CYLD: variants seen among roughly 807,000 people sequenced by gnomAD.
CYLD encodes the protein CYLD lysine 63 deubiquitinase, also known as ubiquitin carboxyl-terminal hydrolase CYLD.
CYLD carries 26 observed loss-of-function variants against 104.5 expected under a neutral mutation model. The ratio of observed to expected loss-of-function variants is 0.25; its 90% CI spans 0.18 to 0.35. The LOEUF (loss-of-function observed/expected upper bound fraction) is 0.35. CYLD is among the 10% of genes least tolerant of loss of function. The probability of loss-of-function intolerance (pLI) is 1.00; values close to 1 mark genes in which losing one functional copy is unlikely to be tolerated. For missense variants in CYLD, 703 were observed against 1,136.1 expected (o/e 0.62, Z 5.48); for synonymous variants, 385 against 399.9 (o/e 0.96, Z 0.45).
Position 50,784,347 on chromosome 16 carries a change from T to C in CYLD, c.1845T>C (p.Ser615=). Reference sequence around the variant, plus strand: ...TTTGCAGCTTATTTGCTTTTAGTTCTGTTCTGGACACTGTGTTACTTAGAC... The same window carrying C: ...TTTGCAGCTTATTTGCTTTTAGTTCCGTTCTGGACACTGTGTTACTTAGAC... ...STLFCLFAFS[S]VLDTVLLRPK... is the part of the protein sequence containing the mutation. The change falls in exon 12 of 19, where the codon TCT becomes TCC. Residue 615 remains serine (S), a synonymous_variant. Coordinates refer to ENST00000427738, the MANE Select transcript of CYLD (RefSeq NM_001378743.1). 1 of 1,613,658 alleles carries C rather than the reference T, an allele frequency of 6.2e-7. No homozygotes were observed. The highest frequency in any genetic ancestry group is 8.5e-7 in the Non-Finnish European group (1 of 1,179,742).
In CYLD at chr16:50,799,899, T is replaced by C; in HGVS notation, c.*3391T>C. 1 of 233,078 alleles carries C rather than the reference T, an allele frequency of 4.3e-6. No homozygotes were observed. The highest frequency in any genetic ancestry group is 8.5e-6 in the Non-Finnish European group (1 of 117,954). The allele number at this position is 233,078 out of a possible 1,614,324, so 14.4% of individuals were successfully genotyped here. A position where few individuals can be genotyped will look rare whatever the true frequency, so the allele number is the denominator to read the frequency against. On this transcript the variant is annotated 3_prime_UTR_variant, in exon 19 of 19. Transcript: ENST00000427738. Reference sequence around the variant, plus strand: ...AACCAAGAAGTATTTATCGGACACTTACTAGGTGCCTAGGATTGTATCAGA... The same window carrying C: ...AACCAAGAAGTATTTATCGGACACTCACTAGGTGCCTAGGATTGTATCAGA...
chr16:50,744,786 T>G (rs930192044), intron 2 of CYLD: 1 of 152,398 alleles, frequency 6.6e-6, no homozygotes, highest in Non-Finnish European at 1.5e-5. Context: ...CTGATCATCT[T>G]TCCATTGTCT....
rs943142707 is a variant in CYLD at position 50,776,559 on chromosome 16, A to G, written c.1021+282A>G. Among the ~76,000 whole-genome samples, 5 of 152,308 alleles carry G rather than the reference A, an allele frequency of 3.3e-5. No individual in the cohort carries two copies. The South Asian group carries it at 6.2e-4, about 19-fold the overall frequency. ...CTCCTTACTTGGAATATTTGTATGTATAGTTTAGGATTGCAACTGTGTAAA... is the reference window on the plus strand; with the variant it reads ...CTCCTTACTTGGAATATTTGTATGTGTAGTTTAGGATTGCAACTGTGTAAA... On this transcript the variant is annotated intron_variant, in intron 7 of 18. Transcript: ENST00000427738.
chr16:50,800,024 C>T lies in CYLD; in HGVS notation c.*3516C>T, dbSNP rs1393390130. The T allele has an allele frequency of 4.3e-6, 1 of 233,130 alleles. No homozygotes were observed. The highest frequency in any genetic ancestry group is 2.2e-5 in the African/African-American group (1 of 45,398). 14.4% of individuals were successfully genotyped at this position (233,130 alleles called of 1,614,324 possible). On this transcript the variant is annotated 3_prime_UTR_variant, in exon 19 of 19. Transcript: ENST00000427738. ...GTAAGGGTGACAGGTCTAGGGGAAG[C>T]TTTGGGAGGTGGTGTGCTGTGACAG... is the stretch of plus-strand genomic sequence containing the variant.
chr16:50,779,856 T>A lies in CYLD; in HGVS notation c.1330T>A (p.Ser444Thr). 6.2e-7 allele frequency: 1 copy of A among 1,613,700 alleles called. No homozygotes were observed. The highest frequency in any genetic ancestry group is 8.5e-7 in the Non-Finnish European group (1 of 1,179,970). Residue 444 changes from serine to threonine, a missense_variant, in exon 9 of 19, where the codon TCT becomes ACT. This residue lies in a region of CYLD where 183 missense variants were observed against 212.1 expected (regional missense o/e 0.86). Coordinates refer to ENST00000427738, the MANE Select transcript of CYLD (RefSeq NM_001378743.1). ...GHSPLSLSAQ[S>T]VMEELNTAPV... ...CAGTCCACTTTCTCTGTCAGCCCAG[T>A]CTGTAATGGAAGAGCTAAACACTGC...
chr16:50,770,348 G>C (rs1969008635), intron 5 of CYLD, among the ~76,000 whole-genome samples: 1 of 151,866 alleles, frequency 6.6e-6, no homozygotes, highest in Non-Finnish European at 1.5e-5. Context: ...GAGATTTGTA[G>C]TTGTATTTCA....
intron 16 of CYLD, 77 bp downstream of exon 16, chr16:50,792,782 G>A (rs1971555093): frequency 1.3e-6 from 1 of 771,450 alleles, no homozygotes; most frequent in African/African-American, 1.7e-5. Flanking sequence ...TTGTGGGTTA[G>A]ACTCTAACTG....
chr16:50,779,279 T>C (rs953563503), intron 8 of CYLD, among the ~76,000 whole-genome samples: 1 of 152,210 alleles, frequency 6.6e-6, no homozygotes, highest in African/African-American at 2.4e-5. Flanking sequence ...TTTTTCTCTC[T>C]TTTTTCTTTA....
At chr16:50,764,851 A>C (rs1968323982) in intron 5 of CYLD, among the ~76,000 whole-genome samples, 1 of 152,194 alleles carries the variant, frequency 6.6e-6, no homozygotes. Context: ...ACAACACAGA[A>C]TTATCTGGTT....
intron 5 of CYLD, among the ~76,000 whole-genome samples, chr16:50,764,428 A>G (rs1968272852): frequency 6.6e-6 from 1 of 152,110 alleles, no homozygotes; most frequent in African/African-American, 2.4e-5. Flanking sequence ...AGCTTTGGGC[A>G]TAATGTTGTT....
In CYLD at chr16:50,744,222, C is replaced by T. The variant is rs1177315621; in HGVS notation, c.-124+1381C>T. Among the ~76,000 whole-genome samples the T allele has an allele frequency of 3.3e-5, 5 of 151,658 alleles. No individual in the cohort carries two copies. The East Asian group carries it at 9.7e-4, about 29-fold the overall frequency. On this transcript the variant is annotated intron_variant, in intron 2 of 18. Transcript: ENST00000427738. ...TTTTTTTTTAACCTTATAAATCCCA[C>T]TTGTATTAGGGACTGTGTACTTGTG... is the stretch of plus-strand genomic sequence containing the variant.
At chr16:50,781,154 G>C in intron 9 of CYLD, 92 bp from the exon 10 acceptor site, 1 of 1,383,280 alleles carries the variant, frequency 7.2e-7, no homozygotes, top group East Asian at 2.3e-5. Flanking sequence ...GTGAGAAAGG[G>C]TATACTAGAA....
chr16:50,798,826 G>C lies in CYLD; in HGVS notation c.*2318G>C, dbSNP rs1369772366. 1 of 233,478 alleles carries C rather than the reference G, an allele frequency of 4.3e-6. No individual in the cohort carries two copies. The highest frequency in any genetic ancestry group is 8.5e-6 in the Non-Finnish European group (1 of 118,074). 14.5% of individuals were successfully genotyped at this position (233,478 alleles called of 1,614,324 possible). A position where few individuals can be genotyped will look rare whatever the true frequency, so the allele number is the denominator to read the frequency against. On this transcript the variant is annotated 3_prime_UTR_variant, in exon 19 of 19. Coordinates refer to ENST00000427738, the MANE Select transcript of CYLD (RefSeq NM_001378743.1). ...ATGATTTCTGGCAACGTCTTCTTCA[G>C]GTGGAGCTTGACGTCTTTTTAATGT...
intron 5 of CYLD, among the ~76,000 whole-genome samples, chr16:50,766,208 G>T (rs1407201541): frequency 6.6e-6 from 1 of 152,130 alleles, no homozygotes; most frequent in East Asian, 1.9e-4. Flanking sequence ...GTTGAAGCCA[G>T]GATTCTGAAA....
rs376729073 is a variant in CYLD at position 50,754,457 on chromosome 16, C to T, written c.913+33C>T. The stretch of plus-strand genomic sequence containing the variant: ...TTCTTTGTTTTATACATTTATAAGG[C>T]AAACTTTATTTTTTAATTTTTTATT... On this transcript the variant is annotated intron_variant, in intron 5 of 18. Transcript: ENST00000427738. The T allele has an allele frequency of 6.4e-6, 9 of 1,410,822 alleles. No homozygotes were observed. In the African/African-American group the frequency reaches 1.3e-4, roughly 20 times the overall value. The allele number at this position is 1,410,822 out of a possible 1,614,324, so 87.4% of individuals were successfully genotyped here.
rs760796541 is a variant in CYLD, at chr16:50,760,839, T to A, written c.913+6415T>A. 1.2e-4 allele frequency among the ~76,000 whole-genome samples: 18 copies of A among 152,132 alleles called. 1 individual carries two copies. The highest frequency in any genetic ancestry group is 2.6e-4 in the Non-Finnish European group (18 of 68,014). On this transcript the variant is annotated intron_variant, in intron 5 of 18. Coordinates refer to ENST00000427738, the MANE Select transcript of CYLD (RefSeq NM_001378743.1). ...AGTGGAGTTGCTTGATGAAAGGGCGTATGCGTTGGTATTGTTCTGGATATT... is the reference window on the plus strand; with the variant it reads ...AGTGGAGTTGCTTGATGAAAGGGCGAATGCGTTGGTATTGTTCTGGATATT...
intron 5 of CYLD, among the ~76,000 whole-genome samples, chr16:50,769,974 A>G (rs1968968240): frequency 6.6e-6 from 1 of 152,170 alleles, no homozygotes; most frequent in Admixed American, 6.5e-5. Flanking sequence ...TATTTTATAT[A>G]TATCCATGGA....
chr16:50,767,257 T>A (rs1006317779), intron 5 of CYLD, among the ~76,000 whole-genome samples: 1 of 152,230 alleles, frequency 6.6e-6, no homozygotes, highest in Non-Finnish European at 1.5e-5. Flanking sequence ...GAAATATTTT[T>A]AAAATTAAGG....
At chr16:50,767,555 C>A (rs567191214) in intron 5 of CYLD, among the ~76,000 whole-genome samples, 1 of 149,930 alleles carries the variant, frequency 6.7e-6, no homozygotes, top group East Asian at 1.9e-4. Flanking sequence ...AGTAACCGTT[C>A]TCTTTACCTA....
Sources: allele counts gnomAD v4.1 joint callset (sites outside exome capture counted in the v4.1 genomes callset), GRCh38; gene constraint gnomAD v4.1.1; regional missense constraint gnomAD v4.1.1; transcripts MANE v1.5; gene names NCBI Gene and HGNC (gene_info 2026-07-23, HGNC 2026-07-21).